The following HIP1R variants were observed in gnomAD, a reference collection of about 807,000 sequenced individuals.
The protein encoded by HIP1R is huntingtin-interacting protein 1-related protein.
Under a neutral mutation model 144.2 loss-of-function variants are expected in HIP1R, and 135 were observed. The observed-to-expected ratio is 0.94, with a 90% confidence interval of 0.81 to 1.08. HIP1R has a LOEUF of 1.08. HIP1R is among the 50% of genes least tolerant of loss of function. The pLI, the probability that HIP1R is intolerant of heterozygous loss-of-function variation, is 0.00. For synonymous variants in HIP1R, 698 were observed against 612.8 expected (o/e 1.14, Z -2.05); for missense variants, 1,462 against 1,432.8 (o/e 1.02, Z -0.33).
chr12:122,859,076 G>C lies in HIP1R; in HGVS notation c.2174G>C (p.Cys725Ser). Residue 725 changes from cysteine (C) to serine (S), a missense_variant, in exon 22 of 32, where the codon TGC (cysteine) becomes TCC (serine). Physicochemically the swap from Cys to Ser is moderately radical, Grantham distance 112 (BLOSUM62 -1). This residue lies in a region of HIP1R where 1,112 missense variants were observed against 1,011.7 expected (regional missense o/e 1.10). Coordinates refer to ENST00000253083, the MANE Select transcript of HIP1R (RefSeq NM_003959.3). ...CTCACCCCAGGCCTCATAGACACCT[G>C]CAGGGAGTGCGGGGCCCGGGCTCTG... ...TDPADRLIDT[C>S]RECGARALEL... 1.2e-6 allele frequency: 2 copies of C among 1,605,562 alleles called. No homozygotes were observed. Among genetic ancestry groups the C allele is most frequent in the Non-Finnish European group, 1.7e-6 (2 of 1,176,732 alleles).
At chr12:122,855,764 G>A in intron 12 of HIP1R, 67 bp from the exon 13 acceptor site, 4 of 1,530,850 alleles carry the variant, frequency 2.6e-6, no homozygotes, top group Non-Finnish European at 3.5e-6. Context: ...GAGGAGACAG[G>A]TTCCTGTGCT....
upstream of HIP1R, chr12:122,834,819 C>A: frequency 1.7e-6 from 1 of 583,928 alleles, no homozygotes; most frequent in Non-Finnish European, 2.7e-6. Context: ...CCTGCATCCC[C>A]GCATGGATAA....
In HIP1R at chr12:122,860,907, G is replaced by A. The variant is rs979759301; in HGVS notation, c.2767-9G>A. ...AGACCTGGGCCCACCCTGACCTCTC[G>A]CCCCTCAGGTGAAGGCCAACAAGCA... On this transcript the variant is annotated splice_polypyrimidine_tract_variant and intron_variant, in intron 28 of 31. Coordinates refer to ENST00000253083, the MANE Select transcript of HIP1R (RefSeq NM_003959.3). 28 of 1,607,944 alleles carry A rather than the reference G, an allele frequency of 1.7e-5. No homozygotes were observed. Among genetic ancestry groups the A allele is most frequent in the Admixed American group, 3.4e-5 (2 of 58,940 alleles).
Position 122,858,249 on chromosome 12 carries a change from G to A in HIP1R, c.1963G>A (p.Asp655Asn). 1 of 1,586,324 alleles carries A rather than the reference G, an allele frequency of 6.3e-7. No homozygotes were observed. The highest frequency in any genetic ancestry group is 1.1e-5 in the South Asian group (1 of 88,908). Residue 655 changes from aspartate (D) to asparagine (N), a missense_variant and splice_region_variant, in exon 19 of 32, where the codon GAC (aspartate) becomes AAC (asparagine). Physicochemically the swap from Asp to Asn is conservative, Grantham distance 23. Around this residue, in one of 2 missense-constraint regions of HIP1R, gnomAD observed 1,112 missense variants for 1,011.7 expected, o/e 1.10. Transcript: ENST00000253083. ...PLHLRCTSSPDYLVSRAQEAL... is the reference protein window; with the variant it reads ...PLHLRCTSSPNYLVSRAQEAL... ...GCACCTGCGCTGTACCAGCTCCCCA[G>A]GTAGACAGTGGGGCCACACTCAGCC...
At chr12:122,842,613 C>T (rs12319654) in intron 1 of HIP1R, among the ~76,000 whole-genome samples, 6,380 of 152,286 alleles carry the variant, frequency 0.042, 263 homozygotes, top group East Asian at 0.23. Context: ...TCCTGGGCCA[C>T]AGGGTGCCGC....
chr12:122,839,594 C>T (rs748369499), intron 1 of HIP1R, among the ~76,000 whole-genome samples: 2 of 152,174 alleles, frequency 1.3e-5, no homozygotes, highest in East Asian at 3.9e-4. Flanking sequence ...TTCTCAGCCC[C>T]GGCACACAGT....
chr12:122,861,435 G>C lies in HIP1R; in HGVS notation c.3080G>C (p.Ser1027Thr), dbSNP rs1401126929. ...GGAGAGGAGGTGGCCATCCGGCCCAGCACTGCCCCCCGAAGTGTAACCACC... is the reference window on the plus strand; with the variant it reads ...GGAGAGGAGGTGGCCATCCGGCCCACCACTGCCCCCCGAAGTGTAACCACC... ...SPGEEVAIRP[S>T]TAPRSVTTKK... The change falls in exon 31 of 32, where the codon AGC becomes ACC. Residue 1027 changes from serine to threonine, a missense_variant. Ser to Thr is a moderately conservative substitution (Grantham distance 58). Around this residue, in one of 2 missense-constraint regions of HIP1R, gnomAD observed 1,112 missense variants for 1,011.7 expected, o/e 1.10. Transcript: ENST00000253083. The C allele has an allele frequency of 1.7e-5, 27 of 1,613,534 alleles. No homozygotes were observed. The highest frequency in any genetic ancestry group is 1.9e-5 in the Non-Finnish European group (23 of 1,179,900).
intron 20 of HIP1R, 114 bp from the exon 21 acceptor site, chr12:122,858,724 G>A (rs976755556): frequency 1.4e-5 from 11 of 804,416 alleles, no homozygotes; most frequent in Admixed American, 9.0e-5. Context: ...TTGTCTTGCC[G>A]AGCCCTCCTT....
intron 1 of HIP1R, among the ~76,000 whole-genome samples, chr12:122,846,564 TG>T (rs1332127826): frequency 6.6e-6 from 1 of 152,200 alleles, no homozygotes; most frequent in Non-Finnish European, 1.5e-5. Flanking sequence ...GGCCACTGGC[TG>T]GGCAGCCCTC....
Position 122,856,346 on chromosome 12 carries a change from T to C in HIP1R, c.1401+2T>C, listed in dbSNP as rs1396967171. On this transcript the variant is annotated splice_donor_variant, in intron 15 of 31. Coordinates refer to ENST00000253083, the MANE Select transcript of HIP1R (RefSeq NM_003959.3). LOFTEE classifies it high-confidence loss of function. ...GTGCACGCGGAGCTGCTCAGAAAGG[T>C]AGGTGCAGCCCATCCTCCATCCCAG... is the stretch of plus-strand genomic sequence containing the variant. 1 of 1,613,512 alleles carries C rather than the reference T, an allele frequency of 6.2e-7. No homozygotes were observed.
rs1180259180 is a variant in HIP1R, at chr12:122,835,663, CGGGCGGCGGGCGGCGGCG to C, written c.93+23_93+40del. On this transcript the variant is annotated intron_variant, in intron 1 of 31. Transcript: ENST00000253083. The stretch of plus-strand genomic sequence containing the variant: ...ACCCAGGCGAGCGGGCGGCGGGCGG[CGGGCGGCGGGCGGCGGCG>C]GGCGGGCGGGCAAGCGGCGTCCCTG... The C allele has an allele frequency of 1.1e-5, 10 of 928,730 alleles. No individual in the cohort carries two copies. The highest frequency in any genetic ancestry group is 4.9e-5 in the South Asian group (1 of 20,556). 57.5% of individuals were successfully genotyped at this position (928,730 alleles called of 1,614,324 possible). A position where few individuals can be genotyped will look rare whatever the true frequency, so the allele number is the denominator to read the frequency against.
chr12:122,854,167 G>C lies in HIP1R; in HGVS notation c.702G>C (p.Leu234=). The part of the protein sequence containing the change: ...SHLYHYTVKL[L]FKLHSCLPAD... ...TCTACCACTACACGGTCAAGCTCCTGTTCAAGCTACACTCTTGTGAGTGGC... is the reference window on the plus strand; with the variant it reads ...TCTACCACTACACGGTCAAGCTCCTCTTCAAGCTACACTCTTGTGAGTGGC... The change falls in exon 8 of 32, where the codon CTG becomes CTC. Residue 234 remains leucine (L), a synonymous_variant. Coordinates refer to ENST00000253083, the MANE Select transcript of HIP1R (RefSeq NM_003959.3). 6.2e-7 allele frequency: 1 copy of C among 1,613,738 alleles called. No individual in the cohort carries two copies. The highest frequency in any genetic ancestry group is 1.1e-5 in the South Asian group (1 of 91,060).
At position 122,861,460 on chromosome 12, in the gene HIP1R, C is replaced by A. The variant is rs902582253; in HGVS notation, c.3105C>A (p.Thr1035=). The change falls in exon 31 of 32, where the codon ACC becomes ACA. Residue 1035 remains threonine, a synonymous_variant. Coordinates refer to ENST00000253083, the MANE Select transcript of HIP1R (RefSeq NM_003959.3). The stretch of plus-strand genomic sequence containing the variant: ...GCACTGCCCCCCGAAGTGTAACCAC[C>A]AAGAAACCACCCCTGGCCCAGAAGC... The part of the protein sequence containing the change: ...RPSTAPRSVT[T]KKPPLAQKPS... 10 of 1,613,468 alleles carry A rather than the reference C, an allele frequency of 6.2e-6. No homozygotes were observed. Among genetic ancestry groups the A allele is most frequent in the Non-Finnish European group, 8.5e-6 (10 of 1,179,820 alleles).
In HIP1R at chr12:122,860,093, C is replaced by T; in HGVS notation, c.2496+16C>T. 1 of 1,578,636 alleles carries T rather than the reference C, an allele frequency of 6.3e-7. No homozygotes were observed. The highest frequency in any genetic ancestry group is 8.6e-7 in the Non-Finnish European group (1 of 1,163,122). On this transcript the variant is annotated intron_variant, in intron 25 of 31. Coordinates refer to ENST00000253083, the MANE Select transcript of HIP1R (RefSeq NM_003959.3). Reference sequence around the variant, plus strand: ...CCTGATGAAGGTGAGGGGCTGTGACCCGGGGGGGTCTGCACCTGGAGGGCC... The same window carrying T: ...CCTGATGAAGGTGAGGGGCTGTGACTCGGGGGGGTCTGCACCTGGAGGGCC...
At chr12:122,851,393 A>G (rs2033390381) in intron 7 of HIP1R, 96 bp downstream of exon 7, 2 of 994,340 alleles carry the variant, frequency 2.0e-6, no homozygotes, top group East Asian at 3.0e-5. Context: ...GATCAGACCA[A>G]CTGATCACTA....
intron 1 of HIP1R, 84 bp from the exon 2 acceptor site, chr12:122,847,947 C>A: frequency 3.9e-6 from 5 of 1,281,860 alleles, no homozygotes; most frequent in Non-Finnish European, 5.6e-6. Context: ...GAATCCTGTT[C>A]AGTATTGTGC....
intron 1 of HIP1R, among the ~76,000 whole-genome samples, chr12:122,842,467 C>T (rs1354225873): frequency 2.6e-5 from 4 of 152,342 alleles, no homozygotes; most frequent in African/African-American, 9.6e-5. Context: ...TTCACCCTTC[C>T]ATTTGCCCAG....
upstream of HIP1R, chr12:122,834,855 C>T: frequency 2.3e-6 from 2 of 852,644 alleles, no homozygotes; most frequent in Non-Finnish European, 3.4e-6. Flanking sequence ...CAGAATTGCA[C>T]AAAGAGGGGA....
chr12:122,855,982 C>A lies in HIP1R; in HGVS notation c.1131C>A (p.Ala377=). Residue 377 remains alanine (A), a splice_region_variant and synonymous_variant, in exon 14 of 32, where the codon GCC becomes GCA. Transcript: ENST00000253083. ...RSELEKIKLE[A]QRYIAQLKSQ... is the part of the protein sequence containing the mutation. ...CCACGTCACACCTCCTCCCGCAGGCCCAGCGGTACATCGCGCAGCTGAAGA... is the reference window on the plus strand; with the variant it reads ...CCACGTCACACCTCCTCCCGCAGGCACAGCGGTACATCGCGCAGCTGAAGA... The A allele has an allele frequency of 6.3e-7, 1 of 1,585,906 alleles. No homozygotes were observed. Among genetic ancestry groups the A allele is most frequent in the Non-Finnish European group, 8.6e-7 (1 of 1,166,578 alleles).
Sources: gnomAD v4.1 joint callset for allele counts (sites outside exome capture counted in the v4.1 genomes callset) on GRCh38, gnomAD v4.1.1 for gene constraint, gnomAD v4.1.1 regional missense constraint, MANE v1.5 for transcripts, NCBI Gene and HGNC (gene_info 2026-07-23, HGNC 2026-07-21) for gene names.